R3HDM1: variants seen among roughly 807,000 people sequenced by gnomAD.
R3HDM1 encodes the protein R3H domain-containing protein 1.
R3HDM1 carries 46 observed loss-of-function variants against 141.1 expected under a neutral mutation model. The observed-to-expected ratio is 0.33, with a 90% CI of 0.26 to 0.42. The LOEUF is 0.42. R3HDM1 is among the 10% of genes least tolerant of loss of function. R3HDM1 has a pLI of 1.00. For synonymous variants in R3HDM1, 435 were observed against 472.9 expected (o/e 0.92, Z 1.04); for missense variants, 1,184 against 1,368.3 (o/e 0.87, Z 2.12).
intron 7 of R3HDM1, among the ~76,000 whole-genome samples, chr2:135,627,229 C>T (rs1420587029): frequency 6.6e-6 from 1 of 152,012 alleles, no homozygotes; most frequent in Non-Finnish European, 1.5e-5. Context: ...GGCAAATTCC[C>T]CCTGAAGCAT....
At chr2:135,564,381 A>G (rs6430580) in intron 1 of R3HDM1, among the ~76,000 whole-genome samples, 45,124 of 152,106 alleles carry the variant, frequency 0.3, 10,777 homozygotes, top group African/African-American at 0.65. Flanking sequence ...GTGCAGTGGC[A>G]CCATCTTGGC....
At chr2:135,577,699 G>A (rs1705778829) in intron 1 of R3HDM1, among the ~76,000 whole-genome samples, 3 of 151,758 alleles carry the variant, frequency 2.0e-5, no homozygotes, top group Admixed American at 1.3e-4. Flanking sequence ...TTAGCCAGGC[G>A]TGGTGGTGGG....
chr2:135,691,107 C>T (rs563754144), intron 21 of R3HDM1, among the ~76,000 whole-genome samples: 2 of 152,278 alleles, frequency 1.3e-5, no homozygotes, highest in South Asian at 2.1e-4. Flanking sequence ...TCTGGTTAAA[C>T]ATACATAGTC....
chr2:135,657,451 A>G (rs1023848865), intron 18 of R3HDM1, among the ~76,000 whole-genome samples: 1 of 151,978 alleles, frequency 6.6e-6, no homozygotes, highest in African/African-American at 2.4e-5. Flanking sequence ...TTAAAGGAAA[A>G]TACCTAAACT....
chr2:135,536,695 G>A lies in R3HDM1; in HGVS notation c.-250+5062G>A, dbSNP rs553837044. ...TGAAAGACAAATATAAATTACTTTT[G>A]TGGGTTAGTTGTACAATTAACTTTG... On this transcript the variant is annotated intron_variant, in intron 1 of 26. Coordinates refer to ENST00000683871, the MANE Select transcript of R3HDM1 (RefSeq NM_001378107.1). The A allele has an allele frequency of 3.8e-5, 37 of 978,716 alleles. No individual in the cohort carries two copies. The African/African-American group carries it at 6.1e-4, about 16-fold the overall frequency. The allele number at this position is 978,716 out of a possible 1,614,324, so 60.6% of individuals were successfully genotyped here. A position where few individuals can be genotyped will look rare whatever the true frequency, so the allele number is the denominator to read the frequency against.
At position 135,651,641 on chromosome 2, in the gene R3HDM1, A is replaced by G. The variant is rs1362952824; in HGVS notation, c.1726-89A>G. Reference sequence around the variant, plus strand: ...TAATTTCCATAATGTGTACTATTGCATCTTATTTAAAAATAGGAAGTATTT... The same window carrying G: ...TAATTTCCATAATGTGTACTATTGCGTCTTATTTAAAAATAGGAAGTATTT... On this transcript the variant is annotated intron_variant, in intron 17 of 26. Coordinates refer to ENST00000683871, the MANE Select transcript of R3HDM1 (RefSeq NM_001378107.1). The G allele has an allele frequency of 1.7e-5, 25 of 1,485,170 alleles. No homozygotes were observed. The South Asian group carries it at 1.8e-4, about 11-fold the overall frequency. 92.0% of individuals were successfully genotyped at this position (1,485,170 alleles called of 1,614,324 possible). A position where few individuals can be genotyped will look rare whatever the true frequency, so the allele number is the denominator to read the frequency against.
At chr2:135,648,257 G>T (rs1458896125) in intron 16 of R3HDM1, among the ~76,000 whole-genome samples, 1 of 151,942 alleles carries the variant, frequency 6.6e-6, no homozygotes, top group African/African-American at 2.4e-5. Context: ...TTTAATTATA[G>T]ATTTTTTTGC....
intron 19 of R3HDM1, among the ~76,000 whole-genome samples, chr2:135,671,893 T>C (rs2068416871): frequency 6.6e-6 from 1 of 151,890 alleles, no homozygotes; most frequent in South Asian, 2.1e-4. Flanking sequence ...TGAGAATTAC[T>C]TAAACCCAGG....
At chr2:135,710,380 T>G (rs1000993315) in intron 23 of R3HDM1, 149 bp downstream of exon 23, 11 of 758,770 alleles carry the variant, frequency 1.4e-5, no homozygotes, top group African/African-American at 8.9e-5. Flanking sequence ...ATCCCAGCAC[T>G]TTTTGGGAGG....
intron 1 of R3HDM1, among the ~76,000 whole-genome samples, chr2:135,601,965 T>C (rs1418306382): frequency 7.5e-6 from 1 of 134,172 alleles, no homozygotes; most frequent in Non-Finnish European, 1.6e-5. Flanking sequence ...CCCAGCCAAC[T>C]TTTTTTTTTT....
intron 14 of R3HDM1, 151 bp from the exon 15 acceptor site, chr2:135,641,385 G>A: frequency 1.1e-6 from 1 of 881,906 alleles, no homozygotes; most frequent in African/African-American, 1.7e-5. Context: ...TTATGGGGAG[G>A]GTAAGCAAAC....
chr2:135,666,201 A>T (rs1279434090), intron 19 of R3HDM1, among the ~76,000 whole-genome samples: 1 of 152,174 alleles, frequency 6.6e-6, no homozygotes, highest in Non-Finnish European at 1.5e-5. Flanking sequence ...GAAGGCACAA[A>T]TTTAAGAGTA....
At chr2:135,639,210 T>G (rs1649382381) in intron 14 of R3HDM1, 88 bp downstream of exon 14, 1 of 1,253,068 alleles carries the variant, frequency 8.0e-7, no homozygotes, top group Admixed American at 2.2e-5. Context: ...GGCTTCTAAT[T>G]ATCCTAAAAT....
chr2:135,702,054 GA>G (rs1388086285), intron 21 of R3HDM1, among the ~76,000 whole-genome samples: 3 of 152,078 alleles, frequency 2.0e-5, no homozygotes, highest in African/African-American at 7.2e-5. Flanking sequence ...CCCTCAGAAA[GA>G]AACCCTGAGG....
chr2:135,664,599 G>C (rs1021785492), intron 19 of R3HDM1, among the ~76,000 whole-genome samples: 3 of 152,216 alleles, frequency 2.0e-5, no homozygotes, highest in African/African-American at 7.2e-5. Context: ...ATAGGGAGGA[G>C]GATGGGGAAA....
At chr2:135,542,078 A>G (rs1269333781) in intron 1 of R3HDM1, among the ~76,000 whole-genome samples, 1 of 152,198 alleles carries the variant, frequency 6.6e-6, no homozygotes, top group Non-Finnish European at 1.5e-5. Flanking sequence ...TTTATACACT[A>G]TTTTAAATAA....
chr2:135,693,347 TG>T (rs929828846), intron 21 of R3HDM1, among the ~76,000 whole-genome samples: 3 of 151,850 alleles, frequency 2.0e-5, no homozygotes, highest in African/African-American at 7.3e-5. Context: ...CTGTACTAGA[TG>T]GTTGATAGCC....
chr2:135,631,133 C>G (rs557015247), intron 7 of R3HDM1, among the ~76,000 whole-genome samples: 1 of 152,156 alleles, frequency 6.6e-6, no homozygotes, highest in Admixed American at 6.5e-5. Context: ...TGCCATAGTC[C>G]CATCTACATA....
intron 15 of R3HDM1, among the ~76,000 whole-genome samples, chr2:135,643,529 A>T (rs2064034894): frequency 6.6e-6 from 1 of 152,008 alleles, no homozygotes; most frequent in African/African-American, 2.4e-5. Context: ...CTCACTCGTA[A>T]TCATTGCACA....
Sources: gnomAD v4.1 joint callset for allele counts (sites outside exome capture counted in the v4.1 genomes callset) on GRCh38, gnomAD v4.1.1 for gene constraint, MANE v1.5 for transcripts, NCBI Gene and HGNC (gene_info 2026-07-23, HGNC 2026-07-21) for gene names.